PREX2: variants seen among roughly 807,000 people sequenced by gnomAD.
PREX2 encodes phosphatidylinositol 3,4,5-trisphosphate-dependent Rac exchanger 2 protein.
In PREX2, 107 loss-of-function variants were observed where a neutral mutation model predicts 203.2. The observed-to-expected ratio is 0.53, with a 90% CI of 0.45 to 0.62. PREX2 has a LOEUF of 0.62. PREX2 is among the 20% of genes least tolerant of loss of function. The probability of loss-of-function intolerance (pLI) is 0.00; values close to 1 mark genes in which losing one functional copy is unlikely to be tolerated. For synonymous variants in PREX2, 672 were observed against 663.6 expected (o/e 1.01, Z -0.19); for missense variants, 1,777 against 1,955.9 (o/e 0.91, Z 1.72).
rs1200560006 is a variant in PREX2 at position 68,224,612 on chromosome 8, A to C, written c.4761A>C (p.Pro1587=). 6.2e-7 allele frequency: 1 copy of C among 1,613,292 alleles called. No homozygotes were observed. The highest frequency in any genetic ancestry group is 1.1e-5 in the South Asian group (1 of 91,054). Residue 1587 remains proline (P), a synonymous_variant, in exon 39 of 40, where the codon CCA becomes CCC. Transcript: ENST00000288368. The part of the protein sequence containing the change: ...AKNLGVRDRT[P]QSAPRLYKLC... ...ATTTGGGAGTCAGAGACCGGACTCC[A>C]CAGTCTGCACCAAGGTAAGTGCATC...
intron 8 of PREX2, among the ~76,000 whole-genome samples, chr8:68,047,829 A>G (rs1808416154): frequency 6.6e-6 from 1 of 152,022 alleles, no homozygotes; most frequent in South Asian, 2.1e-4. Context: ...TTTCATTGAT[A>G]TAGCTCAAAA....
intron 25 of PREX2, among the ~76,000 whole-genome samples, chr8:68,111,737 G>A (rs1810539395): frequency 6.6e-6 from 1 of 152,150 alleles, no homozygotes; most frequent in African/African-American, 2.4e-5. Flanking sequence ...TATAATCCCT[G>A]TAAAACAGTA....
chr8:68,119,988 A>T (rs1810737026), intron 28 of PREX2, among the ~76,000 whole-genome samples: 1 of 152,172 alleles, frequency 6.6e-6, no homozygotes, highest in African/African-American at 2.4e-5. Context: ...TTTTGTGTTA[A>T]TATATGGTAA....
chr8:68,195,375 G>A (rs76404990), intron 37 of PREX2, among the ~76,000 whole-genome samples: 2,575 of 152,304 alleles, frequency 0.017, 93 homozygotes, highest in East Asian at 0.14. Flanking sequence ...TTACCAAGCT[G>A]TAGACACCAA....
chr8:68,207,248 G>A (rs1016624), intron 37 of PREX2, among the ~76,000 whole-genome samples: 31,230 of 152,004 alleles, frequency 0.21, 4,319 homozygotes, highest in African/African-American at 0.37. Context: ...GGCAATGGTT[G>A]TGAAAGAAGA....
At chr8:67,994,610 T>C (rs373927232) in intron 1 of PREX2, among the ~76,000 whole-genome samples, 4 of 152,338 alleles carry the variant, frequency 2.6e-5, no homozygotes, top group African/African-American at 9.6e-5. Flanking sequence ...AAGAAAGTTA[T>C]ATCCTAAGAA....
chr8:68,118,272 G>A (rs915903014), intron 26 of PREX2, among the ~76,000 whole-genome samples: 4 of 151,294 alleles, frequency 2.6e-5, no homozygotes, highest in Admixed American at 1.3e-4. Flanking sequence ...GGAGAATGGC[G>A]TGAACCCTGC....
chr8:68,170,733 C>T (rs1811860354), intron 35 of PREX2, among the ~76,000 whole-genome samples: 1 of 152,148 alleles, frequency 6.6e-6, no homozygotes, highest in African/African-American at 2.4e-5. Flanking sequence ...TCACCATTCT[C>T]ACCCTGTTTT....
chr8:68,025,033 G>T (rs1807676064), intron 4 of PREX2, among the ~76,000 whole-genome samples: 1 of 151,718 alleles, frequency 6.6e-6, no homozygotes. Context: ...TACAATTATT[G>T]CTTTCTATAT....
chr8:68,226,577 C>G (rs529902605), intron 39 of PREX2, among the ~76,000 whole-genome samples: 1 of 152,164 alleles, frequency 6.6e-6, no homozygotes, highest in East Asian at 1.9e-4. Context: ...AATCCTCAAC[C>G]CATCCTTATC....
intron 11 of PREX2, among the ~76,000 whole-genome samples, chr8:68,065,435 G>A (rs1808987951): frequency 6.6e-6 from 1 of 152,024 alleles, no homozygotes; most frequent in African/African-American, 2.4e-5. Context: ...ACTTGGCTTG[G>A]GGAAAAGATA....
intron 8 of PREX2, among the ~76,000 whole-genome samples, chr8:68,047,469 T>TTATATATATATATA (rs3056653): frequency 8.5e-6 from 1 of 117,632 alleles, no homozygotes; most frequent in Non-Finnish European, 1.7e-5. Flanking sequence ...ATGGATGAAT[T>TTATATATATATATA]TATATATATA....
chr8:68,069,371 G>A (rs924243497), intron 12 of PREX2, among the ~76,000 whole-genome samples: 1 of 151,080 alleles, frequency 6.6e-6, no homozygotes, highest in East Asian at 2.0e-4. Context: ...CACTCACCAG[G>A]TTATATCCAT....
chr8:68,209,070 T>TA (rs994362514), intron 37 of PREX2, among the ~76,000 whole-genome samples: 3,256 of 115,024 alleles, frequency 0.028, 88 homozygotes, highest in African/African-American at 0.076. Flanking sequence ...TGGACTCATT[T>TA]AAAAAAAAAA....
chr8:68,078,391 G>A (rs1232071179), intron 15 of PREX2, among the ~76,000 whole-genome samples: 2 of 152,136 alleles, frequency 1.3e-5, no homozygotes, highest in Non-Finnish European at 1.5e-5. Flanking sequence ...TCGAACTCCT[G>A]ACCTCAAGTA....
intron 35 of PREX2, among the ~76,000 whole-genome samples, chr8:68,167,897 C>T (rs1303137941): frequency 6.6e-6 from 1 of 152,022 alleles, no homozygotes; most frequent in Non-Finnish European, 1.5e-5. Context: ...AATATGATCC[C>T]GAGACAAGCA....
intron 1 of PREX2, among the ~76,000 whole-genome samples, chr8:68,014,381 G>A (rs1807351471): frequency 2.0e-5 from 3 of 152,128 alleles, no homozygotes; most frequent in Non-Finnish European, 4.4e-5. Context: ...TGGAGCCATT[G>A]TTAGGGGAAT....
chr8:68,195,060 A>G (rs1346233065), intron 37 of PREX2, among the ~76,000 whole-genome samples: 3 of 152,186 alleles, frequency 2.0e-5, no homozygotes, highest in Non-Finnish European at 4.4e-5. Flanking sequence ...CTTTGAAACT[A>G]TAAGCACCTA....
rs779106877 is a variant in PREX2, at chr8:68,233,878, G to A, written c.*2500G>A. 1 of 152,046 alleles carries A rather than the reference G, an allele frequency of 6.6e-6. No individual in the cohort carries two copies. The highest frequency in any genetic ancestry group is 1.5e-5 in the Non-Finnish European group (1 of 68,022). 9.4% of individuals were successfully genotyped at this position (152,046 alleles called of 1,614,324 possible). A position where few individuals can be genotyped will look rare whatever the true frequency, so the allele number is the denominator to read the frequency against. ...AATATAAGAACTATTGTAATATTAC[G>A]ATGATTTGTAAGTAAATTTGGAGTT... is the stretch of plus-strand genomic sequence containing the variant. On this transcript the variant is annotated 3_prime_UTR_variant, in exon 40 of 40. Coordinates refer to ENST00000288368, the MANE Select transcript of PREX2 (RefSeq NM_024870.4).
Sources: gnomAD v4.1 joint callset for allele counts (sites outside exome capture counted in the v4.1 genomes callset) on GRCh38, gnomAD v4.1.1 for gene constraint, MANE v1.5 for transcripts, NCBI Gene and HGNC (gene_info 2026-07-23, HGNC 2026-07-21) for gene names.